The following TTC21B variants were observed in gnomAD, a reference collection of about 807,000 sequenced individuals.
TTC21B encodes the protein tetratricopeptide repeat domain 21B, also known as tetratricopeptide repeat protein 21B.
TTC21B carries 127 observed loss-of-function variants against 175.1 expected under a neutral mutation model. The observed-to-expected ratio is 0.73, with a 90% CI of 0.63 to 0.84. The LOEUF is 0.84. TTC21B is among the 40% of genes least tolerant of loss of function. The pLI, the probability that TTC21B is intolerant of heterozygous loss-of-function variation, is 0.00. For synonymous variants in TTC21B, 524 were observed against 524.5 expected, an observed-to-expected ratio of 1.00 and a Z score of 0.01; for missense variants, 1,561 against 1,558.3, an observed-to-expected ratio of 1.00 and a Z score of -0.03.
At chr2:165,906,772 C>G (rs997307360) in intron 19 of TTC21B, among the ~76,000 whole-genome samples, 1 of 151,608 alleles carries the variant, frequency 6.6e-6, no homozygotes, top group African/African-American at 2.4e-5. Flanking sequence ...ATGGTGAAAC[C>G]CTGTCTCTGC....
chr2:165,911,313 A>G lies in TTC21B; in HGVS notation c.2461+14T>C, dbSNP rs1401886293. On this transcript the variant is annotated intron_variant, in intron 18 of 28. Coordinates refer to ENST00000243344, the MANE Select transcript of TTC21B (RefSeq NM_024753.5). ...AGTTATCAGACTTTTTTCAAACCAG[A>G]AAGACTTTCATACCAGGTTCATGAG... The G allele has an allele frequency of 1.2e-6, 2 of 1,613,706 alleles. No homozygotes were observed. Among genetic ancestry groups the G allele is most frequent in the East Asian group, 2.2e-5 (1 of 44,782 alleles).
chr2:165,886,734 T>C (rs1685009604), intron 25 of TTC21B, among the ~76,000 whole-genome samples: 1 of 152,168 alleles, frequency 6.6e-6, no homozygotes, highest in Admixed American at 6.5e-5. Context: ...AACTTCACAG[T>C]AGGGATAACG....
chr2:165,906,052 T>C (rs1316089099), intron 19 of TTC21B, among the ~76,000 whole-genome samples: 1 of 151,908 alleles, frequency 6.6e-6, no homozygotes, highest in Non-Finnish European at 1.5e-5. Context: ...CAGAACTCCA[T>C]AAAAATTCAA....
intron 12 of TTC21B, among the ~76,000 whole-genome samples, chr2:165,920,402 T>C (rs574284604): frequency 6.6e-6 from 1 of 152,300 alleles, no homozygotes; most frequent in East Asian, 1.9e-4. Context: ...CTGGCTGAGA[T>C]AGCATAATGA....
In TTC21B at chr2:165,933,049, A is replaced by T; in HGVS notation, c.719T>A (p.Leu240His). The change falls in exon 7 of 29, where the codon CTC (leucine) becomes CAC (histidine). Residue 240 changes from leucine (L) to histidine (H), a missense_variant. By Grantham distance (99) the Leu-to-His change is moderately conservative (BLOSUM62 -3). Transcript: ENST00000243344. ...QTVETAQRLL[L>H]QDSQNVEALR... Reference sequence around the variant, plus strand: ...TGCTTCCACATTTTGGCTATCTTGGAGCAGCAACCTGCAGGAAAACAATTT... The same window carrying T: ...TGCTTCCACATTTTGGCTATCTTGGTGCAGCAACCTGCAGGAAAACAATTT... The T allele has an allele frequency of 1.2e-6, 2 of 1,612,420 alleles. No individual in the cohort carries two copies. The highest frequency in any genetic ancestry group is 1.7e-6 in the Non-Finnish European group (2 of 1,179,248).
In TTC21B at chr2:165,924,587, T is replaced by C. The variant is rs748993825; in HGVS notation, c.1478A>G (p.Gln493Arg). 48 of 1,613,662 alleles carry C rather than the reference T, an allele frequency of 3.0e-5. No homozygotes were observed. Among genetic ancestry groups the C allele is most frequent in the Non-Finnish European group, 3.6e-5 (43 of 1,179,832 alleles). The stretch of plus-strand genomic sequence containing the variant: ...CACTTTTGCTATTAGGAAGACTGTT[T>C]GCAGAAGACCTGGAACAGTTCTTAC... Reference protein sequence around the residue: ...TVVRTVPGLLQTVFLIAKVKY... With the variant: ...TVVRTVPGLLRTVFLIAKVKY... The change falls in exon 12 of 29, where the codon CAA becomes CGA. Residue 493 changes from glutamine to arginine, a missense_variant. Transcript: ENST00000243344.
intron 24 of TTC21B, among the ~76,000 whole-genome samples, chr2:165,889,242 G>A (rs956829239): frequency 1.3e-5 from 2 of 152,082 alleles, no homozygotes; most frequent in Admixed American, 6.6e-5. Context: ...AACATGTCAC[G>A]CTGTTGACTA....
chr2:165,922,625 AT>A (rs1237790719), intron 12 of TTC21B, among the ~76,000 whole-genome samples: 1 of 151,786 alleles, frequency 6.6e-6, no homozygotes, highest in African/African-American at 2.4e-5. Context: ...ACACTTATAC[AT>A]TGCTAGTGAG....
At chr2:165,893,227 T>C (rs910355186) in intron 22 of TTC21B, among the ~76,000 whole-genome samples, 5 of 152,192 alleles carry the variant, frequency 3.3e-5, no homozygotes, top group African/African-American at 7.2e-5. Flanking sequence ...AAAATATTTA[T>C]AAATTACAAA....
Position 165,912,506 on chromosome 2 carries a change from G to A in TTC21B, c.2322+8C>T, listed in dbSNP as rs1410339237. ...CAACAGACATATTTCAAACAATAAA[G>A]TACTTACCATTGAGTAGTTATGAGT... On this transcript the variant is annotated splice_region_variant and intron_variant, in intron 17 of 28. Coordinates refer to ENST00000243344, the MANE Select transcript of TTC21B (RefSeq NM_024753.5). 3.7e-6 allele frequency: 6 copies of A among 1,602,382 alleles called. No individual in the cohort carries two copies. The African/African-American group carries it at 8.0e-5, about 21-fold the overall frequency.
intron 24 of TTC21B, among the ~76,000 whole-genome samples, chr2:165,889,408 A>G (rs1319461019): frequency 2.0e-5 from 3 of 152,124 alleles, no homozygotes; most frequent in Non-Finnish European, 4.4e-5. Flanking sequence ...TTGTTACTTC[A>G]TTCTACCACT....
chr2:165,927,112 CCTAGTAGATATATATATATATATA>C (rs1273285363), intron 11 of TTC21B, among the ~76,000 whole-genome samples: 6,082 of 27,844 alleles, frequency 0.22, 2,401 homozygotes, highest in Non-Finnish European at 0.26. Context: ...ATATATATAT[CCTAGTAGATATATATATATATATA>C]TCCTAGTAGT....
chr2:165,913,765 T>C (rs1686044301), intron 15 of TTC21B, 119 bp from the exon 16 acceptor site: 2 of 787,346 alleles, frequency 2.5e-6, no homozygotes, highest in Non-Finnish European at 4.3e-6. Flanking sequence ...AGAGTATCTC[T>C]ATATACCCAA....
At chr2:165,952,244 A>G (rs1687781460) in intron 1 of TTC21B, among the ~76,000 whole-genome samples, 2 of 147,258 alleles carry the variant, frequency 1.4e-5, no homozygotes, top group South Asian at 4.4e-4. Flanking sequence ...GCTGTCAAGG[A>G]AAAAAAAGAA....
intron 5 of TTC21B, among the ~76,000 whole-genome samples, chr2:165,942,821 A>G (rs1428137527): frequency 6.6e-6 from 1 of 152,200 alleles, no homozygotes; most frequent in Non-Finnish European, 1.5e-5. Flanking sequence ...CTAATATACC[A>G]TATAACTTAC....
At chr2:165,942,172 CAA>C (rs1485779458) in intron 5 of TTC21B, among the ~76,000 whole-genome samples, 1 of 152,112 alleles carries the variant, frequency 6.6e-6, no homozygotes, top group Admixed American at 6.5e-5. Context: ...ACTGTCCACA[CAA>C]AGTGACAGGA....
intron 6 of TTC21B, 57 bp from the exon 7 acceptor site, chr2:165,933,114 G>A (rs1240614664): frequency 4.6e-6 from 7 of 1,525,892 alleles, no homozygotes; most frequent in African/African-American, 2.8e-5. Flanking sequence ...TCTTTTATTC[G>A]AGGGCATGAA....
Position 165,899,853 on chromosome 2 carries a change from G to A in TTC21B, c.2785C>T (p.Leu929=). 1 of 1,613,366 alleles carries A rather than the reference G, an allele frequency of 6.2e-7. No homozygotes were observed. The highest frequency in any genetic ancestry group is 1.1e-5 in the South Asian group (1 of 91,066). Residue 929 remains leucine (L), a synonymous_variant, in exon 21 of 29, where the codon CTG becomes TTG. Coordinates refer to ENST00000243344, the MANE Select transcript of TTC21B (RefSeq NM_024753.5). Reference sequence around the variant, plus strand: ...CAGGAATCAGGGTCATCTTGTGCCAGGTATAATCGTGCCAGTTCCAACATA... The same window carrying A: ...CAGGAATCAGGGTCATCTTGTGCCAAGTATAATCGTGCCAGTTCCAACATA... ...KIMLELARLY[L]AQDDPDSCLR...
At position 165,932,984 on chromosome 2, in the gene TTC21B, C is replaced by T; in HGVS notation, c.784G>A (p.Asp262Asn). Reference sequence around the variant, plus strand: ...ACAATGCCACTTACCTTCTCTATATCCCCCTCTCTACACACATAGTAGAGT... The same window carrying T: ...ACAATGCCACTTACCTTCTCTATATTCCCCTCTCTACACACATAGTAGAGT... ...QALYYVCREG[D>N]IEKASTKLEN... The change falls in exon 7 of 29, where the codon GAT (aspartate) becomes AAT (asparagine). Residue 262 changes from aspartate (D) to asparagine (N), a missense_variant. By Grantham distance (23) the Asp-to-Asn change is conservative. Coordinates refer to ENST00000243344, the MANE Select transcript of TTC21B (RefSeq NM_024753.5). 6.2e-7 allele frequency: 1 copy of T among 1,612,780 alleles called. No individual in the cohort carries two copies. Among genetic ancestry groups the T allele is most frequent in the Non-Finnish European group, 8.5e-7 (1 of 1,179,294 alleles).
Sources: gnomAD v4.1 joint callset for allele counts (sites outside exome capture counted in the v4.1 genomes callset) on GRCh38, gnomAD v4.1.1 for gene constraint, MANE v1.5 for transcripts, NCBI Gene and HGNC (gene_info 2026-07-23, HGNC 2026-07-21) for gene names.